The following ABI3BP variants were observed in gnomAD, a reference collection of about 807,000 sequenced individuals.
ABI3BP encodes ABI family member 3 binding protein.
In ABI3BP, 216 loss-of-function variants were observed where a neutral mutation model predicts 268.6. The observed-to-expected ratio is 0.80, with a 90% CI of 0.72 to 0.90. ABI3BP has a LOEUF of 0.90. ABI3BP is among the 40% of genes least tolerant of loss of function. ABI3BP has a pLI of 0.00. For missense variants in ABI3BP, 2,090 were observed against 2,182.4 expected (o/e 0.96, Z 0.84); for synonymous variants, 730 against 730.0 (o/e 1.00, Z 0.00).
At chr3:100,942,502 T>C (rs1238348385) in intron 1 of ABI3BP, among the ~76,000 whole-genome samples, 1 of 152,122 alleles carries the variant, frequency 6.6e-6, no homozygotes, top group Non-Finnish European at 1.5e-5. Flanking sequence ...TTTTAATACA[T>C]AGAAAAGTAA....
intron 14 of ABI3BP, among the ~76,000 whole-genome samples, chr3:100,861,486 A>G (rs750703997): frequency 6.6e-6 from 1 of 152,222 alleles, no homozygotes; most frequent in African/African-American, 2.4e-5. Context: ...TACAAAAATT[A>G]AAATACAAAT....
chr3:100,939,321 A>T (rs528303224), intron 1 of ABI3BP, among the ~76,000 whole-genome samples: 7 of 152,186 alleles, frequency 4.6e-5, no homozygotes, highest in African/African-American at 1.7e-4. Context: ...TCTTTTTATC[A>T]TCTTTATCTA....
intron 2 of ABI3BP, among the ~76,000 whole-genome samples, chr3:100,923,257 A>T (rs1040871622): frequency 2.0e-5 from 3 of 152,182 alleles, no homozygotes; most frequent in Admixed American, 1.3e-4. Context: ...TGATGACAGG[A>T]CTTAGATTAA....
chr3:100,890,522 C>T (rs545760832), intron 4 of ABI3BP, among the ~76,000 whole-genome samples: 4 of 152,058 alleles, frequency 2.6e-5, no homozygotes, highest in South Asian at 4.1e-4. Context: ...CGGACCTTCC[C>T]GAGTCTAAAA....
At chr3:100,860,830 C>A (rs1032448067) in intron 14 of ABI3BP, among the ~76,000 whole-genome samples, 1 of 152,252 alleles carries the variant, frequency 6.6e-6, no homozygotes, top group Admixed American at 6.5e-5. Context: ...TTTATCTAGT[C>A]CCTAAATCCC....
intron 1 of ABI3BP, among the ~76,000 whole-genome samples, chr3:100,957,786 G>A (rs372788469): frequency 1.3e-5 from 2 of 152,344 alleles, no homozygotes; most frequent in South Asian, 2.1e-4. Flanking sequence ...CCTGCTCACA[G>A]CTCAGCTCCT....
chr3:100,810,422 C>T lies in ABI3BP; in HGVS notation c.3597G>A (p.Gln1199=). The T allele has an allele frequency of 6.5e-7, 1 of 1,534,530 alleles. No individual in the cohort carries two copies. Among genetic ancestry groups the T allele is most frequent in the Non-Finnish European group, 8.7e-7 (1 of 1,145,708 alleles). The change falls in exon 49 of 68, where the codon CAG becomes CAA. Residue 1199 remains glutamine, a synonymous_variant. Coordinates refer to ENST00000471714, the MANE Select transcript of ABI3BP (RefSeq NM_001375547.2). ...AAATAATGTATTTACCAGGTTCAGTCTGAGGCTCATCTGGGCTGGGTAGGG... is the reference window on the plus strand; with the variant it reads ...AAATAATGTATTTACCAGGTTCAGTTTGAGGCTCATCTGGGCTGGGTAGGG... ...SITLPSPDEP[Q]TEPAPKQTPR...
rs558196864 is a variant in ABI3BP at position 100,976,417 on chromosome 3, C to T, written c.79+16889G>A. On this transcript the variant is annotated intron_variant, in intron 1 of 67. Coordinates refer to ENST00000471714, the MANE Select transcript of ABI3BP (RefSeq NM_001375547.2). ...CCCAATTCTCCTAAGAAAAATAAAACTATTTTTGGAAAGGAATAAAGCCCA... is the reference window on the plus strand; with the variant it reads ...CCCAATTCTCCTAAGAAAAATAAAATTATTTTTGGAAAGGAATAAAGCCCA... Among the ~76,000 whole-genome samples the T allele has an allele frequency of 4.6e-5, 7 of 152,198 alleles. No individual in the cohort carries two copies. The East Asian group carries it at 1.3e-3, about 29-fold the overall frequency.
At chr3:100,899,774 T>C (rs1053019647) in intron 3 of ABI3BP, among the ~76,000 whole-genome samples, 1 of 152,204 alleles carries the variant, frequency 6.6e-6, no homozygotes, top group Non-Finnish European at 1.5e-5. Flanking sequence ...ATATAAAACA[T>C]ACATACTCTG....
chr3:100,856,883 C>G (rs1306633880), intron 14 of ABI3BP, among the ~76,000 whole-genome samples: 1 of 152,156 alleles, frequency 6.6e-6, no homozygotes, highest in Non-Finnish European at 1.5e-5. Flanking sequence ...ACAGAAAACA[C>G]AGCAAGTTGA....
At chr3:100,947,730 A>G (rs2073139531) in intron 1 of ABI3BP, among the ~76,000 whole-genome samples, 1 of 152,158 alleles carries the variant, frequency 6.6e-6, no homozygotes, top group African/African-American at 2.4e-5. Context: ...GGAATGGAGT[A>G]AGTTGAAGTT....
chr3:100,817,779 A>G (rs1283666581), intron 41 of ABI3BP, among the ~76,000 whole-genome samples: 1 of 152,204 alleles, frequency 6.6e-6, no homozygotes, highest in Non-Finnish European at 1.5e-5. Flanking sequence ...ACATTTGCAT[A>G]ATATATGCTT....
At chr3:100,847,456 T>C (rs2098783261) in intron 19 of ABI3BP, 146 bp downstream of exon 19, 1 of 699,572 alleles carries the variant, frequency 1.4e-6, no homozygotes, top group East Asian at 2.5e-5. Context: ...GCCATGGAGC[T>C]GGTGCACTCT....
At chr3:100,780,702 A>G (rs2096841764) in intron 57 of ABI3BP, among the ~76,000 whole-genome samples, 1 of 151,748 alleles carries the variant, frequency 6.6e-6, no homozygotes, top group Non-Finnish European at 1.5e-5. Context: ...GGCATTGGCT[A>G]TGAGGCTATT....
At chr3:100,761,269 C>A (rs2095927941) in intron 63 of ABI3BP, among the ~76,000 whole-genome samples, 1 of 152,122 alleles carries the variant, frequency 6.6e-6, no homozygotes, top group South Asian at 2.1e-4. Context: ...AGAGAGGGAT[C>A]CCCTAAAGAG....
At position 100,905,722 on chromosome 3, in the gene ABI3BP, A is replaced by T. The variant is rs547411558; in HGVS notation, c.260-3036T>A. On this transcript the variant is annotated intron_variant, in intron 2 of 67. Transcript: ENST00000471714. ...TGTAAAATACAAATTGTGCAATTTC[A>T]GTAATTTCACTTAGGAATTAAAGGC... 7.9e-5 allele frequency among the ~76,000 whole-genome samples: 12 copies of T among 152,316 alleles called. No homozygotes were observed. In the South Asian group the frequency reaches 2.3e-3, roughly 29 times the overall value.
At chr3:100,915,237 G>A (rs1471316009) in intron 2 of ABI3BP, among the ~76,000 whole-genome samples, 1 of 152,058 alleles carries the variant, frequency 6.6e-6, no homozygotes, top group Non-Finnish European at 1.5e-5. Context: ...ACCCCCCAGG[G>A]TAGAAAAGTC....
chr3:100,970,224 C>T (rs780796995), intron 1 of ABI3BP, among the ~76,000 whole-genome samples: 1 of 152,188 alleles, frequency 6.6e-6, no homozygotes, highest in Non-Finnish European at 1.5e-5. Context: ...GTTGAATGAA[C>T]GACTGGCTTT....
rs1418359304 is a variant in ABI3BP at position 100,751,603 on chromosome 3, C to A, written c.5194G>T (p.Asp1732Tyr). Reference sequence around the variant, plus strand: ...GTGAGTTGCTGCCCAGTGCGTCCATCTAAAAATGAATCCACAAACTGGCAG... The same window carrying A: ...GTGAGTTGCTGCCCAGTGCGTCCATATAAAAATGAATCCACAAACTGGCAG... Reference protein sequence around the residue: ...DHCQFVDSFLDGRTGQQLTSD... With the variant: ...DHCQFVDSFLYGRTGQQLTSD... The change falls in exon 67 of 68, where the codon GAT (aspartate) becomes TAT (tyrosine). Residue 1732 changes from aspartate to tyrosine, a missense_variant. Transcript: ENST00000471714. 1.9e-6 allele frequency: 3 copies of A among 1,600,362 alleles called. No individual in the cohort carries two copies. The highest frequency in any genetic ancestry group is 2.6e-6 in the Non-Finnish European group (3 of 1,172,604).
Sources: gnomAD v4.1 joint callset for allele counts (sites outside exome capture counted in the v4.1 genomes callset) on GRCh38, gnomAD v4.1.1 for gene constraint, MANE v1.5 for transcripts, NCBI Gene and HGNC (gene_info 2026-07-23, HGNC 2026-07-21) for gene names.